Variants in HELZ2 observed in about 807,000 individuals in gnomAD.
HELZ2 encodes the protein 3'-5' exoribonuclease HELZ2.
In HELZ2, 143 loss-of-function variants were observed where a neutral mutation model predicts 208.8. That is an observed-to-expected ratio of 0.68 (90% CI 0.60 to 0.79). HELZ2 has a LOEUF of 0.79. HELZ2 is among the 30% of genes least tolerant of loss of function. HELZ2 has a pLI of 0.00. For synonymous variants in HELZ2, 1,705 were observed against 1,693.7 expected (o/e 1.01, Z -0.16); for missense variants, 3,690 against 3,794.5 (o/e 0.97, Z 0.72).
exon 4 of HELZ2, chr20:63,569,298 G>C: frequency 6.3e-7 from 1 of 1,575,060 alleles, no homozygotes; most frequent in Non-Finnish European, 8.6e-7. Flanking sequence ...GGCCATCAGG[G>C]CCGTCTGCTC....
chr20:63,573,263 C>T (rs1441539780), upstream of HELZ2: 1 of 152,296 alleles, frequency 6.6e-6, no homozygotes, highest in Non-Finnish European at 1.5e-5. The surrounding 1 kb of genome is among the most constrained non-coding windows in gnomAD (Gnocchi z 4.9). Flanking sequence ...CAGAGGACAT[C>T]TGGTCCAGGC....
rs190592136 is a variant in HELZ2, at chr20:63,565,295, A to G, written c.3527T>C (p.Leu1176Pro). Residue 1176 changes from leucine to proline, a missense_variant, in exon 8 of 19, where the codon CTC (leucine) becomes CCC (proline). By Grantham distance (98) the Leu-to-Pro change is moderately conservative (BLOSUM62 -3). Coordinates refer to ENST00000467148, the Ensembl canonical transcript of HELZ2. ...CTCGGGCGCCTTGTCTCCCGAAAGG[A>G]GCTGCACCAGCACCTCATCCCCGGC... The G allele has an allele frequency of 3.1e-3, 4,971 of 1,605,568 alleles. 223 individuals carry two copies. The Admixed American group carries it at 0.08, about 26-fold the overall frequency.
Position 63,559,433 on chromosome 20 carries a change from G to A in HELZ2, c.7826-63C>T, listed in dbSNP as rs1282559226. ...CAGGTGGGAGGAGTCAGGGTCAGGT[G>A]GGAGGAGTCAGGGTCAGGTGGGAGT... is the stretch of plus-strand genomic sequence containing the variant. On this transcript the variant is annotated intron_variant, in intron 18 of 18. Coordinates refer to ENST00000467148, the Ensembl canonical transcript of HELZ2. The A allele has an allele frequency of 2.0e-5, 29 of 1,466,742 alleles. No homozygotes were observed. The East Asian group carries it at 7.2e-4, about 37-fold the overall frequency. The allele number at this position is 1,466,742 out of a possible 1,614,324, so 90.9% of individuals were successfully genotyped here.
In HELZ2 at chr20:63,568,589, G is replaced by A. The variant is rs2146020582; in HGVS notation, c.1499C>T (p.Thr500Ile). The A allele has an allele frequency of 2.5e-6, 4 of 1,594,830 alleles. No homozygotes were observed. The East Asian group carries it at 9.0e-5, about 36-fold the overall frequency. ...AGACCAAGGTCTGGGCAGGGCGCAG[G>A]TGGGCAAGTCGGGCACCACCAGCTG... Residue 500 changes from threonine (T) to isoleucine (I), a missense_variant, in exon 5 of 19, where the codon ACC becomes ATC. Coordinates refer to ENST00000467148, the Ensembl canonical transcript of HELZ2.
exon 8 of HELZ2, chr20:63,562,702 A>G (rs754661930): frequency 6.2e-5 from 99 of 1,599,964 alleles, no homozygotes; most frequent in Non-Finnish European, 7.8e-5. Context: ...CCACCCAGGT[A>G]TACGTGCCGG....
chr20:63,563,962 G>A, exon 8 of HELZ2: 1 of 1,597,690 alleles, frequency 6.3e-7, no homozygotes, highest in Non-Finnish European at 8.5e-7. Flanking sequence ...TGGTGACCAA[G>A]TCCACCATCT....
chr20:63,562,023 G>A (rs2082893586), intron 10 of HELZ2, 39 bp from the exon 12 acceptor site: 1 of 1,598,676 alleles, frequency 6.3e-7, no homozygotes, highest in Non-Finnish European at 8.6e-7. Flanking sequence ...CCACCCTGTG[G>A]GTCCCTGTGG....
intron 18 of HELZ2, 92 bp downstream of exon 19, chr20:63,559,836 G>A (rs975780409): frequency 1.6e-4 from 218 of 1,396,976 alleles, no homozygotes; most frequent in African/African-American, 3.3e-4. Flanking sequence ...GGGTCAGGTC[G>A]GAGTCAGGGT....
exon 14 of HELZ2, chr20:63,561,131 G>A (rs749896018): frequency 1.7e-5 from 28 of 1,612,850 alleles, no homozygotes; most frequent in South Asian, 1.2e-4. Context: ...TTCAGGTTCC[G>A]TGGCCATGCC....
In HELZ2 at chr20:63,567,614, A is replaced by G. The variant is rs775845721; in HGVS notation, c.1744T>C (p.Tyr582His). 37 of 1,600,558 alleles carry G rather than the reference A, an allele frequency of 2.3e-5. No individual in the cohort carries two copies. In the Admixed American group the frequency reaches 3.6e-4, roughly 16 times the overall value. Residue 582 changes from tyrosine (Y) to histidine (H), a missense_variant, in exon 6 of 19, where the codon TAC becomes CAC. By Grantham distance (83) the Tyr-to-His change is moderately conservative (BLOSUM62 2). Coordinates refer to ENST00000467148, the Ensembl canonical transcript of HELZ2. ...TGGCTGTGGAAATACTCCCGGATGT[A>G]GATGTCGGCGGCACTGCGGGAGGGG...
intron 16 of HELZ2, 51 bp from the exon 18 acceptor site, chr20:63,560,378 T>A (rs886326530): frequency 1.3e-6 from 2 of 1,572,480 alleles, no homozygotes; most frequent in Middle Eastern, 3.4e-4. Context: ...TCTCCTGCCC[T>A]CCTCCAGGAA....
intron 6 of HELZ2, 111 bp downstream of exon 7, chr20:63,566,732 GC>G: frequency 9.2e-7 from 1 of 1,091,252 alleles, no homozygotes; most frequent in South Asian, 1.5e-5. Context: ...AAATACTGCA[GC>G]CCCCTCTTAC....
intron 2 of HELZ2, 36 bp from the exon 4 acceptor site, chr20:63,570,647 A>AGGCCCCCCCCC: frequency 6.7e-6 from 10 of 1,497,348 alleles, no homozygotes; most frequent in Middle Eastern, 1.8e-4. Flanking sequence ...AGAGGCCTGG[A>AGGCCCCCCCCC]CCCCACCCCA....
chr20:63,563,613 G>C, exon 8 of HELZ2: 1 of 1,539,234 alleles, frequency 6.5e-7, no homozygotes, highest in Non-Finnish European at 8.7e-7. Flanking sequence ...TTGTCCAGAG[G>C]CTGGGCCTTG....
Position 63,561,177 on chromosome 20 carries a change from T to TTTTGAGG in HELZ2, c.7044_7050dup (p.Ile2351ProfsTer12), listed in dbSNP as rs1242565846. 1 of 1,613,070 alleles carries TTTTGAGG rather than the reference T, an allele frequency of 6.2e-7. No homozygotes were observed. The highest frequency in any genetic ancestry group is 1.1e-5 in the South Asian group (1 of 91,080). ...ACAAGGATCTGCCTCACGTCCAGGATTTTGAGGCTGGCAGAGGCTGCACAG... is the reference window on the plus strand; with the variant it reads ...ACAAGGATCTGCCTCACGTCCAGGATTTTGAGGTTTGAGGCTGGCAGAGGCTGCACAG... On this transcript the variant is annotated frameshift_variant, in exon 14 of 19. Coordinates refer to ENST00000467148, the Ensembl canonical transcript of HELZ2. LOFTEE classifies it high-confidence loss of function.
downstream of HELZ2, chr20:63,559,056 G>T: frequency 1.7e-6 from 1 of 596,452 alleles, no homozygotes; most frequent in Non-Finnish European, 2.8e-6. Flanking sequence ...AGATGCCCAG[G>T]AGGAGCAAGA....
chr20:63,572,414 C>G (rs751100003), exon 1 of HELZ2: 19 of 1,474,814 alleles, frequency 1.3e-5, no homozygotes, highest in Non-Finnish European at 1.6e-5. Flanking sequence ...AAACTGGCAG[C>G]GGGACTCCCC....
exon 5 of HELZ2, chr20:63,568,753 C>A: frequency 6.2e-7 from 1 of 1,604,734 alleles, no homozygotes; most frequent in East Asian, 2.2e-5. Flanking sequence ...GCAGCAGCCA[C>A]AGCGCCTGCT....
exon 8 of HELZ2, chr20:63,564,481 G>A (rs771033879): frequency 6.3e-6 from 10 of 1,584,450 alleles, no homozygotes; most frequent in African/African-American, 1.3e-5. Flanking sequence ...GGACCACGGA[G>A]GGTGCAAAGC....
Sources: gnomAD v4.1 joint callset for allele counts on GRCh38, gnomAD v4.1.1 for gene constraint, Gnocchi (gnomAD v3.1) non-coding constraint, MANE v1.5 for transcripts, NCBI Gene and HGNC (gene_info 2026-07-23, HGNC 2026-07-21) for gene names.